PRR16: variants seen among roughly 807,000 people sequenced by gnomAD.
The protein encoded by PRR16 is proline rich 16.
A neutral mutation model predicts 18.2 loss-of-function variants in PRR16; 6 were observed. That is an observed-to-expected ratio of 0.33 (90% CI 0.18 to 0.65). The LOEUF (loss-of-function observed/expected upper bound fraction) is 0.65, where lower values mean the gene tolerates loss of function less well. Among genes scored for constraint, PRR16 ranks in the 30% least tolerant of loss-of-function variants. The pLI is 0.74. For missense variants in PRR16, 412 were observed against 376.6 expected (o/e 1.09, Z -0.78); for synonymous variants, 151 against 147.8 (o/e 1.02, Z -0.16).
the PRR16 span, among the ~76,000 whole-genome samples, chr5:120,709,139 C>T: frequency 2.0e-5 from 3 of 151,182 alleles, no homozygotes; most frequent in African/African-American, 4.9e-5. Context: ...TCCTGAGTAG[C>T]TGGGACTACA....
intron 1 of PRR16, among the ~76,000 whole-genome samples, chr5:120,547,989 C>G (rs752962134): frequency 5.9e-5 from 9 of 151,928 alleles, no homozygotes; most frequent in Non-Finnish European, 1.2e-4. Flanking sequence ...TGATGAATAA[C>G]TATGATAAAT....
At chr5:120,620,079 A>C (rs891326649) in intron 1 of PRR16, among the ~76,000 whole-genome samples, 2 of 152,174 alleles carry the variant, frequency 1.3e-5, no homozygotes, top group Non-Finnish European at 2.9e-5. Flanking sequence ...TTGTTAACTG[A>C]ATTTGTAAAG....
chr5:120,698,187 C>A, the PRR16 span, among the ~76,000 whole-genome samples: 1 of 151,938 alleles, frequency 6.6e-6, no homozygotes, highest in Non-Finnish European at 1.5e-5. Context: ...GCGTGGGAAC[C>A]TAGAGTGGGA....
At chr5:120,719,059 T>C in the PRR16 span, among the ~76,000 whole-genome samples, 1 of 152,126 alleles carries the variant, frequency 6.6e-6, no homozygotes, top group Admixed American at 6.6e-5. Context: ...GGGCAATATG[T>C]CATAATTTTC....
chr5:120,613,463 C>CTAAGA (rs139324730), intron 1 of PRR16, among the ~76,000 whole-genome samples: 8,878 of 151,846 alleles, frequency 0.058, 335 homozygotes, highest in South Asian at 0.084. Flanking sequence ...AAGCATATTA[C>CTAAGA]TAAGATTCAT....
chr5:120,765,668 A>G, the PRR16 span, among the ~76,000 whole-genome samples: 1 of 152,064 alleles, frequency 6.6e-6, no homozygotes, highest in Non-Finnish European at 1.5e-5. Context: ...TCATCAGTTT[A>G]CAACTCAATG....
intron 1 of PRR16, among the ~76,000 whole-genome samples, chr5:120,551,445 G>A (rs967846412): frequency 2.6e-5 from 4 of 151,906 alleles, no homozygotes; most frequent in South Asian, 4.1e-4. Flanking sequence ...TTCACTTGCC[G>A]CTTCATCGTC....
chr5:120,517,121 G>T (rs1174895435), intron 1 of PRR16, among the ~76,000 whole-genome samples: 1 of 152,198 alleles, frequency 6.6e-6, no homozygotes, highest in Non-Finnish European at 1.5e-5. Context: ...ATCCCGCTGT[G>T]CAGGAATAGT....
chr5:120,732,410 G>T, the PRR16 span, among the ~76,000 whole-genome samples: 1 of 152,060 alleles, frequency 6.6e-6, no homozygotes, highest in African/African-American at 2.4e-5. Context: ...CTTTCCAAGG[G>T]AGCAGTACCC....
chr5:120,513,326 G>T (rs1033822379), intron 1 of PRR16, among the ~76,000 whole-genome samples: 8 of 152,136 alleles, frequency 5.3e-5, no homozygotes, highest in Non-Finnish European at 1.2e-4. Context: ...CTTGCTAACT[G>T]CCTGCCTCAA....
the PRR16 span, among the ~76,000 whole-genome samples, chr5:120,742,110 C>A: frequency 5.9e-5 from 9 of 151,880 alleles, no homozygotes; most frequent in South Asian, 1.9e-3. Context: ...GTTTTAACTG[C>A]ATTTCTTTTA....
intron 1 of PRR16, among the ~76,000 whole-genome samples, chr5:120,683,354 T>G (rs905990498): frequency 9.2e-4 from 140 of 151,908 alleles, no homozygotes; most frequent in African/African-American, 3.2e-3. Context: ...TACAAAAAAT[T>G]AGGTGGGTGT....
intron 1 of PRR16, among the ~76,000 whole-genome samples, chr5:120,683,558 G>T (rs1757035623): frequency 6.6e-6 from 1 of 151,286 alleles, no homozygotes; most frequent in Non-Finnish European, 1.5e-5. Flanking sequence ...AAAAACAAAG[G>T]TTTTCTAATT....
chr5:120,671,161 T>A (rs576627013), intron 1 of PRR16, among the ~76,000 whole-genome samples: 3 of 152,306 alleles, frequency 2.0e-5, no homozygotes, highest in African/African-American at 7.2e-5. Context: ...TGGATGATTT[T>A]GTATTCCTAG....
chr5:120,786,683 G>A, the PRR16 span, among the ~76,000 whole-genome samples: 2 of 151,410 alleles, frequency 1.3e-5, no homozygotes, highest in Non-Finnish European at 2.9e-5. Context: ...ATATAATTAT[G>A]AGACATGTCT....
intron 1 of PRR16, among the ~76,000 whole-genome samples, chr5:120,589,869 T>C (rs1753574293): frequency 1.3e-5 from 2 of 152,102 alleles, no homozygotes; most frequent in African/African-American, 4.8e-5. Flanking sequence ...ATTAGTCCTT[T>C]GACCAACTGA....
At chr5:120,739,980 G>A in the PRR16 span, among the ~76,000 whole-genome samples, 1 of 152,034 alleles carries the variant, frequency 6.6e-6, no homozygotes, top group African/African-American at 2.4e-5. Context: ...ATGTTTTATG[G>A]CAAAGGCAAA....
chr5:120,723,689 T>C, the PRR16 span, among the ~76,000 whole-genome samples: 2 of 151,928 alleles, frequency 1.3e-5, no homozygotes, highest in Non-Finnish European at 2.9e-5. Flanking sequence ...TTGCAATTAC[T>C]CCAGACTAGT....
intron 1 of PRR16, among the ~76,000 whole-genome samples, chr5:120,625,846 A>G (rs1754846019): frequency 6.6e-6 from 1 of 152,126 alleles, no homozygotes; most frequent in South Asian, 2.1e-4. Flanking sequence ...TTAACATCGA[A>G]TGAGCATCAT....
Sources: allele counts gnomAD v4.1 joint callset (sites outside exome capture counted in the v4.1 genomes callset), GRCh38; gene constraint gnomAD v4.1.1; transcripts MANE v1.5; gene names NCBI Gene and HGNC (gene_info 2026-07-23, HGNC 2026-07-21).